RSRC1: variants seen among roughly 807,000 people sequenced by gnomAD.
RSRC1 encodes the protein serine/Arginine-related protein 53.
In RSRC1, 39 loss-of-function variants were observed where a neutral mutation model predicts 49.1. The observed-to-expected ratio is 0.79, with a 90% confidence interval of 0.61 to 1.04. RSRC1 has a LOEUF of 1.04. Among genes scored for constraint, RSRC1 ranks in the 50% least tolerant of loss-of-function variants. The probability of loss-of-function intolerance (pLI) is 0.00; values close to 1 mark genes in which losing one functional copy is unlikely to be tolerated. For missense variants in RSRC1, 388 were observed against 402.4 expected, an observed-to-expected ratio of 0.96 and a Z score of 0.31; for synonymous variants, 143 against 130.8, an observed-to-expected ratio of 1.09 and a Z score of -0.63.
intron 4 of RSRC1, among the ~76,000 whole-genome samples, chr3:158,283,413 C>G (rs1046704099): frequency 4.6e-5 from 7 of 151,822 alleles, no homozygotes; most frequent in African/African-American, 1.7e-4. Flanking sequence ...ATACTGTTTA[C>G]TTTTCAGTTT....
chr3:158,518,906 T>A (rs988909822), intron 7 of RSRC1, among the ~76,000 whole-genome samples: 10 of 152,204 alleles, frequency 6.6e-5, no homozygotes, highest in Non-Finnish European at 1.2e-4. Context: ...TTCTTTTCTA[T>A]CTCAGGTGAA....
At chr3:158,253,115 G>A (rs768886148) in intron 4 of RSRC1, among the ~76,000 whole-genome samples, 1 of 151,300 alleles carries the variant, frequency 6.6e-6, no homozygotes, top group Non-Finnish European at 1.5e-5. Context: ...CTACTAATTT[G>A]GGGTTTGGTT....
At chr3:158,321,293 C>T (rs1179162120) in intron 5 of RSRC1, among the ~76,000 whole-genome samples, 1 of 151,470 alleles carries the variant, frequency 6.6e-6, no homozygotes, top group African/African-American at 2.4e-5. Flanking sequence ...TCCTCCTCCT[C>T]CTCCTCTTCT....
At chr3:158,380,300 T>C (rs1419730161) in intron 6 of RSRC1, among the ~76,000 whole-genome samples, 1 of 152,110 alleles carries the variant, frequency 6.6e-6, no homozygotes, top group Non-Finnish European at 1.5e-5. Context: ...TTTGCTGATT[T>C]AATAATGTCT....
chr3:158,461,004 G>A lies in RSRC1; in HGVS notation c.652+1G>A, dbSNP rs762779524. ...GAAGCAAAGAGAAGAAAGGAGGAAG[G>A]TAAAGGCATGTGTTCATTTTTCTCT... On this transcript the variant is annotated splice_donor_variant, in intron 7 of 9. Transcript: ENST00000611884. LOFTEE classifies it high-confidence loss of function. The A allele has an allele frequency of 2.3e-5, 37 of 1,593,246 alleles. No individual in the cohort carries two copies. The highest frequency in any genetic ancestry group is 3.0e-5 in the Non-Finnish European group (35 of 1,166,138).
chr3:158,229,257 T>A lies in RSRC1; in HGVS notation c.494+26012T>A, dbSNP rs827121. Among the ~76,000 whole-genome samples the A allele has an allele frequency of 5.2e-5, 6 of 116,354 alleles. 1 individual carries two copies. Among genetic ancestry groups the A allele is most frequent in the Non-Finnish European group, 3.8e-5 (2 of 52,984 alleles). The allele number at this position is 116,354 out of a possible 152,430, so 76.3% of individuals were successfully genotyped here. ...GTGTATGTATGTATATAAACATACA[T>A]GTATATGTGTATGTATGTATATAAA... is the stretch of plus-strand genomic sequence containing the variant. On this transcript the variant is annotated intron_variant, in intron 4 of 9. Coordinates refer to ENST00000611884, the MANE Select transcript of RSRC1 (RefSeq NM_001271838.2).
rs1225891559 is a variant in RSRC1 at position 158,388,605 on chromosome 3, G to GTTTTTT, written c.583+33698_583+33703dup. ...GCATTTGGGGAGCCAAATTAGCCGT[G>GTTTTTT]TTTTTTGTTTTTTTTTTTTTTTTGA... is the stretch of plus-strand genomic sequence containing the variant. On this transcript the variant is annotated intron_variant, in intron 6 of 9. Transcript: ENST00000611884. Among the ~76,000 whole-genome samples, 63 of 99,318 alleles carry GTTTTTT rather than the reference G, an allele frequency of 6.3e-4. 1 individual carries two copies. Among genetic ancestry groups the GTTTTTT allele is most frequent in the African/African-American group, 2.5e-3 (63 of 24,882 alleles). The allele number at this position is 99,318 out of a possible 152,430, so 65.2% of individuals were successfully genotyped here.
intron 4 of RSRC1, among the ~76,000 whole-genome samples, chr3:158,284,807 G>A (rs1726413270): frequency 6.6e-6 from 1 of 150,686 alleles, no homozygotes; most frequent in South Asian, 2.1e-4. Context: ...TTTGTCAGAT[G>A]AGTAGGTTGC....
intron 7 of RSRC1, among the ~76,000 whole-genome samples, chr3:158,515,073 C>T (rs56279242): frequency 0.49 from 66,430 of 135,794 alleles, 17,083 homozygotes; most frequent in African/African-American, 0.6. Context: ...CTTTATCCAA[C>T]TTGCCAGTCT....
At chr3:158,459,909 G>T (rs1737528082) in intron 6 of RSRC1, among the ~76,000 whole-genome samples, 1 of 151,814 alleles carries the variant, frequency 6.6e-6, no homozygotes, top group Non-Finnish European at 1.5e-5. Context: ...ATAGTTTTGT[G>T]TGTGACATAT....
intron 4 of RSRC1, among the ~76,000 whole-genome samples, chr3:158,219,392 A>T (rs1722116025): frequency 6.6e-6 from 1 of 151,456 alleles, no homozygotes. Context: ...TACATACAGT[A>T]CAGAGTCTTA....
intron 6 of RSRC1, among the ~76,000 whole-genome samples, chr3:158,355,368 T>C (rs987813727): frequency 2.0e-5 from 3 of 151,662 alleles, no homozygotes; most frequent in African/African-American, 2.4e-5. Context: ...ATATAAAATA[T>C]AACTTTATAT....
At chr3:158,207,013 T>C (rs1250786659) in intron 4 of RSRC1, among the ~76,000 whole-genome samples, 1 of 152,240 alleles carries the variant, frequency 6.6e-6, no homozygotes, top group Non-Finnish European at 1.5e-5. Flanking sequence ...AATAACCTGA[T>C]GAAATAGGTG....
chr3:158,497,818 CCTGAGTTG>C (rs1560065917), intron 7 of RSRC1, among the ~76,000 whole-genome samples: 2 of 152,116 alleles, frequency 1.3e-5, no homozygotes, highest in African/African-American at 4.8e-5. Context: ...GTTTTCCATT[CCTGAGTTG>C]CTTCACTTAG....
intron 2 of RSRC1, among the ~76,000 whole-genome samples, chr3:158,122,963 T>C (rs1480131175): frequency 5.3e-5 from 8 of 152,242 alleles, no homozygotes; most frequent in African/African-American, 1.9e-4. Context: ...CCACATTTTC[T>C]TAATCCAGTC....
At chr3:158,537,243 C>A in intron 8 of RSRC1, 45 bp downstream of exon 8, 1 of 1,111,488 alleles carries the variant, frequency 9.0e-7, no homozygotes, top group Non-Finnish European at 1.3e-6. Flanking sequence ...TGGATTCTAC[C>A]TGAAGAGATG....
At chr3:158,369,952 T>C (rs1459102506) in intron 6 of RSRC1, among the ~76,000 whole-genome samples, 1 of 152,024 alleles carries the variant, frequency 6.6e-6, no homozygotes, top group Non-Finnish European at 1.5e-5. Context: ...AGGAGAATCA[T>C]AGTGTAACTT....
intron 4 of RSRC1, among the ~76,000 whole-genome samples, chr3:158,214,073 T>G (rs754915056): frequency 2.2e-4 from 34 of 151,698 alleles, no homozygotes; most frequent in Non-Finnish European, 4.3e-4. Context: ...ACAGTATAAC[T>G]ATTTACATAG....
At chr3:158,290,212 A>G (rs865455) in intron 4 of RSRC1, among the ~76,000 whole-genome samples, 72,363 of 151,908 alleles carry the variant, frequency 0.48, 17,790 homozygotes, top group East Asian at 0.64. Flanking sequence ...TGAGAAATAT[A>G]TAACTGAACA....
Sources: allele counts gnomAD v4.1 joint callset (sites outside exome capture counted in the v4.1 genomes callset), GRCh38; gene constraint gnomAD v4.1.1; transcripts MANE v1.5; gene names NCBI Gene and HGNC (gene_info 2026-07-23, HGNC 2026-07-21).